The following SOCS7 variants were observed in gnomAD, a reference collection of about 807,000 sequenced individuals.
The protein encoded by SOCS7 is suppressor of cytokine signaling 7.
A neutral mutation model predicts 58.9 loss-of-function variants in SOCS7; 18 were observed. The observed-to-expected ratio is 0.31, with a 90% CI of 0.21 to 0.45. The LOEUF is 0.45. Ranked by LOEUF, SOCS7 falls within the 20% of genes least tolerant of loss-of-function variation. SOCS7 has a pLI of 1.00. For missense variants in SOCS7, 667 were observed against 837.3 expected (o/e 0.80, Z 2.51); for synonymous variants, 388 against 364.3 (o/e 1.06, Z -0.74).
intron 7 of SOCS7, among the ~76,000 whole-genome samples, chr17:38,389,900 C>CATATATATATATATGT (rs1263290062): frequency 0.034 from 678 of 19,866 alleles, 28 homozygotes; most frequent in African/African-American, 0.078. Flanking sequence ...TATATATATA[C>CATATATATATATATGT]ACATATAGAG....
At position 38,377,854 on chromosome 17, in the gene SOCS7, C is replaced by T; in HGVS notation, c.1681+12C>T. On this transcript the variant is annotated intron_variant, in intron 7 of 9. Transcript: ENST00000612932. ...ATCCAGGGTTCCAGGTAAGGCTGTA[C>T]TTCTGTTAATTATTTAACTTAAGTT... 2 of 1,607,280 alleles carry T rather than the reference C, an allele frequency of 1.2e-6. No individual in the cohort carries two copies. The highest frequency in any genetic ancestry group is 1.7e-6 in the Non-Finnish European group (2 of 1,178,024).
Position 38,352,917 on chromosome 17 carries a change from G to C in SOCS7, c.865G>C (p.Gly289Arg). The C allele has an allele frequency of 6.2e-7, 1 of 1,606,866 alleles. No individual in the cohort carries two copies. The highest frequency in any genetic ancestry group is 1.1e-5 in the South Asian group (1 of 89,306). The change falls in exon 1 of 10, where the codon GGT becomes CGT. Residue 289 changes from glycine to arginine, a missense_variant. By Grantham distance (125) the Gly-to-Arg change is moderately radical (BLOSUM62 -2). This residue lies in a region of SOCS7 where 208 missense variants were observed against 190.3 expected (regional missense o/e 1.09). Transcript: ENST00000612932. This position sits in a 1 kb window ranked among gnomAD's most constrained non-coding sequence, Gnocchi z 5.5. ...SRLFRTKSCN[G>R]GSGGGDGTGK... The stretch of plus-strand genomic sequence containing the variant: ...CCTCTTTCGCACCAAGAGCTGCAAC[G>C]GTGGCTCCGGCGGTGGGGATGGGAC...
intron 7 of SOCS7, among the ~76,000 whole-genome samples, chr17:38,387,111 A>ATATATATATATATGTGTG (rs2038081465): frequency 4.8e-4 from 50 of 103,536 alleles, no homozygotes; most frequent in African/African-American, 2.8e-3. Context: ...AAATATATAT[A>ATATATATATATATGTGTG]TATATATATA....
In SOCS7 at chr17:38,352,628, G is replaced by A. The variant is rs1490477038; in HGVS notation, c.576G>A (p.Glu192=). 1.9e-6 allele frequency: 3 copies of A among 1,549,984 alleles called. No individual in the cohort carries two copies. The African/African-American group carries it at 4.1e-5, about 21-fold the overall frequency. ...TGGAATCGGAGGCCGAGAGCCTGGA[G>A]ACTAACAGCTGCTCGGAAGAGGAGC... ...EGLESEAESL[E]TNSCSEEELS... is the part of the protein sequence containing the mutation. Residue 192 remains glutamate, a synonymous_variant, in exon 1 of 10, where the codon GAG becomes GAA. Coordinates refer to ENST00000612932, the MANE Select transcript of SOCS7 (RefSeq NM_014598.4). This position sits in a 1 kb window ranked among gnomAD's most constrained non-coding sequence, Gnocchi z 5.5.
At chr17:38,381,783 G>A (rs1241115428) in intron 7 of SOCS7, among the ~76,000 whole-genome samples, 1 of 151,232 alleles carries the variant, frequency 6.6e-6, no homozygotes, top group Non-Finnish European at 1.5e-5. Flanking sequence ...GGGCAATATG[G>A]TGAAACCCCA....
At chr17:38,392,759 C>T (rs4239219) in intron 7 of SOCS7, among the ~76,000 whole-genome samples, 41,933 of 152,006 alleles carry the variant, frequency 0.28, 8,327 homozygotes, top group African/African-American at 0.57. Flanking sequence ...GACAACCTCC[C>T]TGTTAGATGG....
At chr17:38,368,542 C>T (rs1955002605) in intron 6 of SOCS7, among the ~76,000 whole-genome samples, 1 of 151,248 alleles carries the variant, frequency 6.6e-6, no homozygotes, top group Non-Finnish European at 1.5e-5. Flanking sequence ...CGCTCTGTTG[C>T]CTAGGCTGGA....
rs921485367 is a variant in SOCS7 at position 38,400,207 on chromosome 17, T to A, written c.*725T>A. ...TCATGGAAGCTGTACTAGTTGTGAT[T>A]TACTTAATTCCTTAAGTTCCATGAC... On this transcript the variant is annotated 3_prime_UTR_variant, in exon 10 of 10. Coordinates refer to ENST00000612932, the MANE Select transcript of SOCS7 (RefSeq NM_014598.4). The A allele has an allele frequency of 6.6e-6, 1 of 152,226 alleles. No individual in the cohort carries two copies. The highest frequency in any genetic ancestry group is 1.5e-5 in the Non-Finnish European group (1 of 68,062). 9.4% of individuals were successfully genotyped at this position (152,226 alleles called of 1,614,324 possible).
intron 7 of SOCS7, among the ~76,000 whole-genome samples, chr17:38,389,863 G>GTACATATATATATATATA (rs1261982144): frequency 2.7e-4 from 6 of 22,320 alleles, no homozygotes; most frequent in African/African-American, 8.0e-4. Context: ...GTGTGTATGT[G>GTACATATATATATATATA]TGTACATATA....
chr17:38,379,214 C>T (rs996576490), intron 7 of SOCS7, among the ~76,000 whole-genome samples: 1 of 149,476 alleles, frequency 6.7e-6, no homozygotes, highest in African/African-American at 2.5e-5. Flanking sequence ...GTTGGTGGCT[C>T]ACACCTGTAA....
At position 38,399,965 on chromosome 17, in the gene SOCS7, G is replaced by C. The variant is rs561450505; in HGVS notation, c.*483G>C. 3.3e-5 allele frequency: 5 copies of C among 152,418 alleles called. No homozygotes were observed. The East Asian group carries it at 9.6e-4, about 29-fold the overall frequency. The allele number at this position is 152,418 out of a possible 1,614,324, so 9.4% of individuals were successfully genotyped here. On this transcript the variant is annotated 3_prime_UTR_variant, in exon 10 of 10. Coordinates refer to ENST00000612932, the MANE Select transcript of SOCS7 (RefSeq NM_014598.4). ...GTGCTGTGGGCCTGGAAGATGGGAGGAGGGGCTTGAGGTTTGCAAAGGACT... is the reference window on the plus strand; with the variant it reads ...GTGCTGTGGGCCTGGAAGATGGGAGCAGGGGCTTGAGGTTTGCAAAGGACT...
At chr17:38,389,417 G>A (rs1024511713) in intron 7 of SOCS7, among the ~76,000 whole-genome samples, 7 of 152,164 alleles carry the variant, frequency 4.6e-5, no homozygotes, top group African/African-American at 1.7e-4. Context: ...TTAGCCCAGT[G>A]TGGTGGTGCA....
At chr17:38,382,849 A>G (rs2038021063) in intron 7 of SOCS7, among the ~76,000 whole-genome samples, 2 of 152,084 alleles carry the variant, frequency 1.3e-5, no homozygotes, top group African/African-American at 4.8e-5. Flanking sequence ...TTAAGTTTAT[A>G]ATTACTTGTT....
intron 2 of SOCS7, among the ~76,000 whole-genome samples, chr17:38,363,174 G>A (rs1249613638): frequency 6.6e-6 from 1 of 151,904 alleles, no homozygotes; most frequent in Admixed American, 6.6e-5. Context: ...CAGCCCTCTT[G>A]AATGACGTCC....
chr17:38,398,317 A>C (rs1286922402), intron 9 of SOCS7, among the ~76,000 whole-genome samples: 3 of 144,192 alleles, frequency 2.1e-5, no homozygotes, highest in African/African-American at 7.8e-5. Context: ...ATCTTGGCTC[A>C]CTGCAACCTC....
At chr17:38,357,071 G>A (rs1388172218) in intron 1 of SOCS7, among the ~76,000 whole-genome samples, 1 of 152,204 alleles carries the variant, frequency 6.6e-6, no homozygotes, top group Non-Finnish European at 1.5e-5. Flanking sequence ...GGACGGTTCT[G>A]TAGTGGTTTC....
intron 5 of SOCS7, among the ~76,000 whole-genome samples, chr17:38,367,377 G>GT (rs1555568533): frequency 6.7e-6 from 1 of 149,488 alleles, no homozygotes; most frequent in East Asian, 2.0e-4. Context: ...TTTGTTTTTT[G>GT]TTTTTTGTTT....
intron 5 of SOCS7, 104 bp downstream of exon 5, chr17:38,366,521 G>A (rs2037792295): frequency 7.3e-7 from 1 of 1,372,896 alleles, no homozygotes; most frequent in South Asian, 1.3e-5. Flanking sequence ...TAGAGACAGG[G>A]TCTGGCTCTG....
intron 4 of SOCS7, 26 bp from the exon 5 acceptor site, chr17:38,366,261 G>T (rs1323305539): frequency 1.2e-6 from 2 of 1,610,942 alleles, no homozygotes; most frequent in South Asian, 1.1e-5. Context: ...GGGTAAACAA[G>T]TGACCACCAC....
Sources: allele counts gnomAD v4.1 joint callset (sites outside exome capture counted in the v4.1 genomes callset), GRCh38; gene constraint gnomAD v4.1.1; regional missense constraint gnomAD v4.1.1; non-coding constraint Gnocchi (gnomAD v3.1); transcripts MANE v1.5; gene names NCBI Gene and HGNC (gene_info 2026-07-23, HGNC 2026-07-21).